SLMAP: variants seen among roughly 807,000 people sequenced by gnomAD.
SLMAP encodes sarcolemmal membrane-associated protein.
Under a neutral mutation model 128.8 loss-of-function variants are expected in SLMAP, and 44 were observed. The ratio of observed to expected loss-of-function variants is 0.34; its 90% confidence interval spans 0.27 to 0.44. SLMAP has a LOEUF of 0.44. SLMAP is among the 20% of genes least tolerant of loss of function. The pLI is 1.00. For missense variants in SLMAP, 787 were observed against 985.3 expected (o/e 0.80, Z 2.69); for synonymous variants, 327 against 348.8 (o/e 0.94, Z 0.70).
At chr3:57,892,495 CTT>C (rs2096107211) in intron 15 of SLMAP, among the ~76,000 whole-genome samples, 1 of 152,164 alleles carries the variant, frequency 6.6e-6, no homozygotes, top group East Asian at 1.9e-4. Context: ...AACTTCAGTT[CTT>C]TAAACCTCAG....
intron 2 of SLMAP, among the ~76,000 whole-genome samples, chr3:57,797,155 C>T (rs1179137970): frequency 9.7e-5 from 14 of 144,698 alleles, no homozygotes; most frequent in Non-Finnish European, 2.1e-4. Flanking sequence ...GCCCTCCAGC[C>T]TGGGTGACAG....
intron 17 of SLMAP, among the ~76,000 whole-genome samples, chr3:57,906,571 C>T (rs892773374): frequency 2.7e-5 from 4 of 148,596 alleles, no homozygotes; most frequent in Admixed American, 1.3e-4. Context: ...CCTGCCTCAG[C>T]CTCCCAGAGT....
At position 57,913,683 on chromosome 3, in the gene SLMAP, G is replaced by A. The variant is rs540600784; in HGVS notation, c.2138+408G>A. On this transcript the variant is annotated intron_variant, in intron 21 of 24. Transcript: ENST00000671191. ...TAATGAAGAATTTGTAAGGCTGGGC[G>A]TGGTGGTTCACGCCTGTAATGCCAT... Among the ~76,000 whole-genome samples, 16 of 152,286 alleles carry A rather than the reference G, an allele frequency of 1.1e-4. No individual in the cohort carries two copies. The East Asian group carries it at 1.9e-3, about 18-fold the overall frequency.
chr3:57,853,999 A>T (rs1217183729), intron 6 of SLMAP, among the ~76,000 whole-genome samples: 4 of 103,228 alleles, frequency 3.9e-5, no homozygotes, highest in African/African-American at 1.5e-4. Context: ...ATATATATAT[A>T]TTTACATATA....
intron 5 of SLMAP, among the ~76,000 whole-genome samples, chr3:57,848,410 CCTT>C (rs1351487119): frequency 6.7e-6 from 1 of 149,988 alleles, no homozygotes; most frequent in Non-Finnish European, 1.5e-5. Context: ...CTTCTTTCTT[CCTT>C]CTTTCTTCTT....
intron 2 of SLMAP, among the ~76,000 whole-genome samples, chr3:57,802,950 C>G (rs996962479): frequency 6.6e-6 from 1 of 152,116 alleles, no homozygotes; most frequent in African/African-American, 2.4e-5. Flanking sequence ...GATGATAGCA[C>G]TATACTTGAG....
chr3:57,869,521 G>A (rs938472973), intron 13 of SLMAP, among the ~76,000 whole-genome samples: 3 of 149,950 alleles, frequency 2.0e-5, no homozygotes, highest in Non-Finnish European at 4.4e-5. Context: ...GGAGGCTAAG[G>A]TAGGAGGATC....
intron 15 of SLMAP, chr3:57,891,043 C>T (rs1488268450): frequency 6.6e-6 from 1 of 151,976 alleles, no homozygotes; most frequent in Non-Finnish European, 1.5e-5. Flanking sequence ...GGCAAACAGG[C>T]ATTGAGTTTC....
intron 2 of SLMAP, among the ~76,000 whole-genome samples, chr3:57,817,864 A>G (rs1369398180): frequency 2.6e-5 from 4 of 152,122 alleles, no homozygotes; most frequent in Non-Finnish European, 5.9e-5. Flanking sequence ...TTAAAAGCTT[A>G]CCTTTCCTGA....
chr3:57,780,473 T>A (rs2082813170), intron 2 of SLMAP, among the ~76,000 whole-genome samples: 1 of 152,136 alleles, frequency 6.6e-6, no homozygotes, highest in Non-Finnish European at 1.5e-5. Flanking sequence ...TATAACATAT[T>A]TCCTAGATAA....
intron 17 of SLMAP, among the ~76,000 whole-genome samples, chr3:57,904,049 A>G (rs942275943): frequency 1.3e-5 from 2 of 152,232 alleles, no homozygotes; most frequent in African/African-American, 4.8e-5. Flanking sequence ...TTGCTCATTA[A>G]GTCTTTGATT....
Position 57,928,597 on chromosome 3 carries a change from CAT to C in SLMAP, c.*1310_*1311del, listed in dbSNP as rs1253792656. ...GTTTAGCCATGGTTTTGTGCGGCAT[CAT>C]AGTTATGTCAATAAAGTTTATTTAG... is the stretch of plus-strand genomic sequence containing the variant. On this transcript the variant is annotated 3_prime_UTR_variant, in exon 25 of 25. Transcript: ENST00000671191. The C allele has an allele frequency of 6.6e-6, 1 of 152,144 alleles. No individual in the cohort carries two copies. The highest frequency in any genetic ancestry group is 1.9e-4 in the East Asian group (1 of 5,196). The allele number at this position is 152,144 out of a possible 1,614,324, so 9.4% of individuals were successfully genotyped here.
intron 2 of SLMAP, among the ~76,000 whole-genome samples, chr3:57,761,354 G>T (rs1447191538): frequency 6.6e-6 from 1 of 152,028 alleles, no homozygotes; most frequent in Non-Finnish European, 1.5e-5. Flanking sequence ...GAGTGCAGTG[G>T]TGCGATCTCA....
At chr3:57,817,975 A>G (rs2092074365) in intron 2 of SLMAP, among the ~76,000 whole-genome samples, 1 of 152,218 alleles carries the variant, frequency 6.6e-6, no homozygotes, top group Non-Finnish European at 1.5e-5. Flanking sequence ...TGATTTATAA[A>G]ATGAACAGAA....
chr3:57,846,731 A>G (rs993467898), intron 4 of SLMAP, among the ~76,000 whole-genome samples: 1 of 151,540 alleles, frequency 6.6e-6, no homozygotes, highest in African/African-American at 2.4e-5. Context: ...TAATTTTTTT[A>G]TATTTTTAGT....
chr3:57,821,748 A>G (rs1459547912), intron 2 of SLMAP, among the ~76,000 whole-genome samples: 3 of 151,992 alleles, frequency 2.0e-5, no homozygotes, highest in Admixed American at 2.0e-4. Context: ...TATTTCATCA[A>G]CTCTGTCAGT....
chr3:57,859,250 G>C (rs1223421070), intron 8 of SLMAP, among the ~76,000 whole-genome samples: 1 of 151,770 alleles, frequency 6.6e-6, no homozygotes, highest in Non-Finnish European at 1.5e-5. Context: ...AAACCCGGTG[G>C]GGGTGGAGGT....
intron 19 of SLMAP, 100 bp downstream of exon 19, chr3:57,909,250 C>A: frequency 2.4e-6 from 2 of 822,482 alleles, no homozygotes; most frequent in Non-Finnish European, 3.9e-6. Context: ...TGCCTGCAAT[C>A]CCAGCATTTG....
At chr3:57,856,702 ATAAT>A (rs1252943602) in intron 6 of SLMAP, among the ~76,000 whole-genome samples, 3 of 152,190 alleles carry the variant, frequency 2.0e-5, no homozygotes, top group Non-Finnish European at 4.4e-5. Context: ...AATGCACTCT[ATAAT>A]TAACAATAAA....
Sources: allele counts gnomAD v4.1 joint callset (sites outside exome capture counted in the v4.1 genomes callset), GRCh38; gene constraint gnomAD v4.1.1; transcripts MANE v1.5; gene names NCBI Gene and HGNC (gene_info 2026-07-23, HGNC 2026-07-21).